The following TMCO1 variants were observed in gnomAD, a reference collection of about 807,000 sequenced individuals.
The protein encoded by TMCO1 is calcium load-activated calcium channel.
TMCO1 carries 29 observed loss-of-function variants against 29.3 expected under a neutral mutation model. The ratio of observed to expected loss-of-function variants is 0.99; its 90% CI spans 0.74 to 1.35. TMCO1 has a LOEUF of 1.35. Among genes scored for constraint, TMCO1 ranks in the 40% most tolerant of loss-of-function variants. The probability of loss-of-function intolerance (pLI) is 0.00; values close to 1 mark genes in which losing one functional copy is unlikely to be tolerated. For synonymous variants in TMCO1, 80 were observed against 77.1 expected, an observed-to-expected ratio of 1.04 and a Z score of -0.20; for missense variants, 173 against 225.5, an observed-to-expected ratio of 0.77 and a Z score of 1.49.
intron 2 of TMCO1, among the ~76,000 whole-genome samples, chr1:165,765,965 T>C (rs1009815640): frequency 6.6e-6 from 1 of 152,184 alleles, no homozygotes; most frequent in Non-Finnish European, 1.5e-5. Flanking sequence ...CAATAATCCA[T>C]GCAAAAGATC....
At chr1:165,763,148 A>G (rs1220010646) in intron 2 of TMCO1, among the ~76,000 whole-genome samples, 1 of 152,196 alleles carries the variant, frequency 6.6e-6, no homozygotes, top group Non-Finnish European at 1.5e-5. Context: ...ACCTCTTTAT[A>G]TTTTTGATAT....
At position 165,753,289 on chromosome 1, in the gene TMCO1, A is replaced by G. The variant is rs188948399; in HGVS notation, c.255+939T>C. ...GGAGTTCAAGACCAGCCTGGGCAAC[A>G]TAGCAAGACCCTGTCTGTACAAAAA... On this transcript the variant is annotated intron_variant, in intron 4 of 6. Transcript: ENST00000367881. Among the ~76,000 whole-genome samples the G allele has an allele frequency of 4.5e-4, 69 of 152,064 alleles. No homozygotes were observed. In the East Asian group the frequency reaches 0.01, roughly 22 times the overall value.
At chr1:165,752,202 C>T (rs201738433) in intron 4 of TMCO1, 33 bp from the exon 5 acceptor site, 8 of 1,516,476 alleles carry the variant, frequency 5.3e-6, no homozygotes, top group Non-Finnish European at 7.3e-6. Flanking sequence ...TCATTTTACA[C>T]TAAAAAAAAA....
At chr1:165,754,424 G>T (rs892021568) in intron 3 of TMCO1, 150 bp from the exon 4 acceptor site, 159 of 626,018 alleles carry the variant, frequency 2.5e-4, no homozygotes, top group Admixed American at 1.7e-4. Flanking sequence ...TATACGTTTT[G>T]TACTCAGAAG....
chr1:165,752,140 G>A lies in TMCO1; in HGVS notation c.285C>T (p.Gly95=). The A allele has an allele frequency of 6.2e-7, 1 of 1,612,150 alleles. No individual in the cohort carries two copies. Among genetic ancestry groups the A allele is most frequent in the Non-Finnish European group, 8.5e-7 (1 of 1,179,220 alleles). The change falls in exon 5 of 7, where the codon GGC becomes GGT. Residue 95 remains glycine, a synonymous_variant. Coordinates refer to ENST00000367881, the MANE Select transcript of TMCO1 (RefSeq NM_019026.6). ...MVRMKSMFAI[G]FCFTALMGMF... is the part of the protein sequence containing the mutation. ...TTCCCATTAGGGCAGTAAAACAAAA[G>A]CCAATAGCAAACATGGATTTCATTC...
At chr1:165,760,975 G>A (rs1652378723) in intron 2 of TMCO1, among the ~76,000 whole-genome samples, 1 of 151,916 alleles carries the variant, frequency 6.6e-6, no homozygotes, top group Non-Finnish European at 1.5e-5. Context: ...GTACGGTATA[G>A]GTACCATTTC....
Position 165,727,882 on chromosome 1 carries a change from A to G in TMCO1, c.*141T>C, listed in dbSNP as rs1298707424. The G allele has an allele frequency of 1.3e-5, 8 of 631,902 alleles. 1 individual carries two copies. Among genetic ancestry groups the G allele is most frequent in the Non-Finnish European group, 2.3e-5 (8 of 350,448 alleles). 39.1% of individuals were successfully genotyped at this position (631,902 alleles called of 1,614,324 possible). On this transcript the variant is annotated 3_prime_UTR_variant, in exon 7 of 7. Transcript: ENST00000367881. Reference sequence around the variant, plus strand: ...GCTGGCTGCCATTTTCACTCTAATCATACCCAAAAGGCTTAGAAATAATTC... The same window carrying G: ...GCTGGCTGCCATTTTCACTCTAATCGTACCCAAAAGGCTTAGAAATAATTC...
At chr1:165,740,633 C>T (rs1651559880) in intron 6 of TMCO1, among the ~76,000 whole-genome samples, 1 of 152,218 alleles carries the variant, frequency 6.6e-6, no homozygotes. Flanking sequence ...TCTGTGTTGT[C>T]ATTACCTTAG....
chr1:165,768,737 G>A lies in TMCO1; in HGVS notation c.15C>T (p.Phe5=). 1 of 1,614,134 alleles carries A rather than the reference G, an allele frequency of 6.2e-7. No individual in the cohort carries two copies. Among genetic ancestry groups the A allele is most frequent in the South Asian group, 1.1e-5 (1 of 91,060 alleles). The change falls in exon 1 of 7, where the codon TTC becomes TTT. Residue 5 remains phenylalanine (F), a synonymous_variant. Transcript: ENST00000367881. MSTM[F]ADTLLIVFIS... ...TAAAAACGATGAGGAGAGTGTCCGC[G>A]AACATAGTGCTCATCTCGCACCTTC...
intron 3 of TMCO1, among the ~76,000 whole-genome samples, chr1:165,756,392 C>T (rs549869098): frequency 1.2e-4 from 19 of 152,242 alleles, no homozygotes; most frequent in African/African-American, 3.9e-4. Context: ...TGCTTTACCA[C>T]GGTTCCTGCC....
At chr1:165,741,444 A>C (rs1454256068) in intron 6 of TMCO1, among the ~76,000 whole-genome samples, 2 of 152,180 alleles carry the variant, frequency 1.3e-5, no homozygotes, top group African/African-American at 4.8e-5. Flanking sequence ...GAAGCCTTAA[A>C]ACTTGATTGT....
At chr1:165,768,146 TGAG>T in intron 2 of TMCO1, 43 bp downstream of exon 2, 1 of 1,446,546 alleles carries the variant, frequency 6.9e-7, no homozygotes, top group Non-Finnish European at 9.7e-7. Context: ...ATGGACTTAA[TGAG>T]CTTGACGTGT....
downstream of TMCO1, chr1:165,724,754 A>T (rs1650782680): frequency 1.5e-5 from 7 of 453,754 alleles, no homozygotes; most frequent in South Asian, 9.3e-5. Flanking sequence ...TTTGACATCT[A>T]TAGACAACAC....
chr1:165,766,644 G>A (rs916425213), intron 2 of TMCO1, among the ~76,000 whole-genome samples: 2 of 152,110 alleles, frequency 1.3e-5, no homozygotes, highest in Non-Finnish European at 2.9e-5. Flanking sequence ...GCCAGTCATG[G>A]TGGTGTGCAT....
chr1:165,732,358 T>A (rs549164562), intron 6 of TMCO1, among the ~76,000 whole-genome samples: 1 of 140,746 alleles, frequency 7.1e-6, no homozygotes, highest in Admixed American at 7.6e-5. Flanking sequence ...CAGACTGTTA[T>A]CTTAGGAATA....
chr1:165,729,351 CTG>C (rs1651043299), intron 6 of TMCO1, among the ~76,000 whole-genome samples: 1 of 146,656 alleles, frequency 6.8e-6, no homozygotes, highest in Non-Finnish European at 1.5e-5. Flanking sequence ...GAGTCTCACT[CTG>C]TCATCCAAGC....
downstream of TMCO1, chr1:165,724,508 A>G (rs527290046): frequency 2.2e-6 from 1 of 454,124 alleles, no homozygotes; most frequent in South Asian, 1.6e-5. Context: ...CCAAACCTGC[A>G]GCTTCAGCAT....
At chr1:165,762,372 A>T (rs985160517) in intron 2 of TMCO1, among the ~76,000 whole-genome samples, 1 of 152,112 alleles carries the variant, frequency 6.6e-6, no homozygotes, top group African/African-American at 2.4e-5. Flanking sequence ...TTTCTTTCCC[A>T]CCCCAGAAGG....
At chr1:165,742,266 C>T (rs546990220) in intron 6 of TMCO1, among the ~76,000 whole-genome samples, 6 of 147,972 alleles carry the variant, frequency 4.1e-5, no homozygotes, top group East Asian at 4.1e-4. Flanking sequence ...TCGGCTCCCC[C>T]CCTTTTCTTT....
Sources: gnomAD v4.1 joint callset for allele counts (sites outside exome capture counted in the v4.1 genomes callset) on GRCh38, gnomAD v4.1.1 for gene constraint, MANE v1.5 for transcripts, NCBI Gene and HGNC (gene_info 2026-07-23, HGNC 2026-07-21) for gene names.